Variants in NRXN1 observed in about 807,000 individuals in gnomAD.
NRXN1 encodes the protein neurexin-1.
NRXN1 carries 39 observed loss-of-function variants against 150.9 expected under a neutral mutation model. The observed-to-expected ratio is 0.26, with a 90% CI of 0.20 to 0.34. The LOEUF is 0.34. Among genes scored for constraint, NRXN1 ranks in the 10% least tolerant of loss-of-function variants. The pLI is 1.00. For missense variants in NRXN1, 1,815 were observed against 1,949.9 expected (o/e 0.93, Z 1.30); for synonymous variants, 924 against 757.0 (o/e 1.22, Z -3.62).
chr2:50,986,622 C>T (rs146175706), intron 2 of NRXN1, among the ~76,000 whole-genome samples: 262 of 151,668 alleles, frequency 1.7e-3, no homozygotes, highest in African/African-American at 5.8e-3. Flanking sequence ...TTTCTCCTTC[C>T]ACTCATATAT....
intron 18 of NRXN1, among the ~76,000 whole-genome samples, chr2:50,180,234 A>G (rs1162681793): frequency 1.3e-5 from 2 of 152,006 alleles, no homozygotes; most frequent in South Asian, 2.1e-4. Flanking sequence ...TGTGCTGCCC[A>G]GGCTGGTCTT....
chr2:50,957,255 C>T (rs1409908494), intron 2 of NRXN1, among the ~76,000 whole-genome samples: 1 of 152,150 alleles, frequency 6.6e-6, no homozygotes, highest in Non-Finnish European at 1.5e-5. Context: ...GGCGCTGACA[C>T]TTATTAGCTA....
At chr2:50,868,519 T>G (rs1335163007) in intron 5 of NRXN1, among the ~76,000 whole-genome samples, 2 of 151,614 alleles carry the variant, frequency 1.3e-5, no homozygotes, top group Non-Finnish European at 2.9e-5. Flanking sequence ...AATATATCCC[T>G]GTACCAAAAC....
chr2:50,103,606 A>T (rs189128848), intron 18 of NRXN1, among the ~76,000 whole-genome samples: 1 of 152,132 alleles, frequency 6.6e-6, no homozygotes, highest in African/African-American at 2.4e-5. Context: ...TTTGCCCTGA[A>T]ATTTGGCCAG....
intron 5 of NRXN1, among the ~76,000 whole-genome samples, chr2:50,725,937 A>C (rs1697306932): frequency 2.0e-5 from 3 of 152,192 alleles, no homozygotes; most frequent in African/African-American, 4.8e-5. Context: ...GAGAGCATGG[A>C]GTTGACTATA....
intron 5 of NRXN1, among the ~76,000 whole-genome samples, chr2:50,697,186 G>A (rs544641163): frequency 1.3e-5 from 2 of 152,226 alleles, no homozygotes; most frequent in East Asian, 1.9e-4. Flanking sequence ...TTTTGCACAC[G>A]TAATTCTGAG....
At chr2:50,608,574 T>C (rs1441871206) in intron 8 of NRXN1, among the ~76,000 whole-genome samples, 1 of 152,130 alleles carries the variant, frequency 6.6e-6, no homozygotes, top group Non-Finnish European at 1.5e-5. Flanking sequence ...TCTATGTAGC[T>C]TTATATGCAC....
At chr2:49,960,791 G>T (rs1330616070) in intron 21 of NRXN1, among the ~76,000 whole-genome samples, 3 of 152,072 alleles carry the variant, frequency 2.0e-5, no homozygotes, top group African/African-American at 7.2e-5. Context: ...GTTCTTAAAT[G>T]GTTCAGCTAA....
At chr2:50,774,262 A>G (rs1344701698) in intron 5 of NRXN1, among the ~76,000 whole-genome samples, 3 of 152,188 alleles carry the variant, frequency 2.0e-5, no homozygotes, top group Non-Finnish European at 2.9e-5. Flanking sequence ...AACAAAAACT[A>G]AACCAAACTT....
At chr2:50,876,278 G>A (rs1172777514) in intron 5 of NRXN1, among the ~76,000 whole-genome samples, 1 of 151,096 alleles carries the variant, frequency 6.6e-6, no homozygotes, top group Non-Finnish European at 1.5e-5. Flanking sequence ...TTTTTGTTTG[G>A]TTTCTTAGAA....
At chr2:50,082,717 A>G (rs1388141127) in intron 19 of NRXN1, among the ~76,000 whole-genome samples, 1 of 152,190 alleles carries the variant, frequency 6.6e-6, no homozygotes, top group African/African-American at 2.4e-5. Flanking sequence ...ATGAGTTGCT[A>G]TCCTACTTTA....
chr2:50,175,544 T>C (rs1263098895), intron 18 of NRXN1, among the ~76,000 whole-genome samples: 1 of 152,120 alleles, frequency 6.6e-6, no homozygotes, highest in Admixed American at 6.6e-5. Context: ...TTACTACTTT[T>C]AGATTTTTTG....
intron 5 of NRXN1, among the ~76,000 whole-genome samples, chr2:50,665,669 T>A: frequency 6.6e-6 from 1 of 152,018 alleles, no homozygotes; most frequent in Non-Finnish European, 1.5e-5. Context: ...TATAAAATGG[T>A]AGGTTTTGCT....
intron 5 of NRXN1, among the ~76,000 whole-genome samples, chr2:50,782,746 T>A (rs1038212455): frequency 3.9e-5 from 6 of 152,164 alleles, no homozygotes; most frequent in African/African-American, 1.4e-4. Flanking sequence ...ATGTAATCAT[T>A]ATTTCTGGGT....
chr2:50,012,864 T>A (rs944624827), intron 21 of NRXN1, among the ~76,000 whole-genome samples: 1 of 152,146 alleles, frequency 6.6e-6, no homozygotes, highest in Non-Finnish European at 1.5e-5. Context: ...AGTTAACCCA[T>A]GGAATGGAAT....
intron 18 of NRXN1, among the ~76,000 whole-genome samples, chr2:50,189,506 A>G (rs2061319491): frequency 6.6e-6 from 1 of 152,198 alleles, no homozygotes; most frequent in Non-Finnish European, 1.5e-5. Context: ...CAAGAACTTA[A>G]AGTATAATAA....
chr2:50,138,836 A>AGTTAT (rs1706813064), intron 18 of NRXN1, among the ~76,000 whole-genome samples: 1 of 152,220 alleles, frequency 6.6e-6, no homozygotes, highest in African/African-American at 2.4e-5. Flanking sequence ...TGGTCCCTTT[A>AGTTAT]GTTTGTCATA....
chr2:49,996,526 T>C (rs1356921582), intron 21 of NRXN1, among the ~76,000 whole-genome samples: 2 of 152,186 alleles, frequency 1.3e-5, no homozygotes, highest in African/African-American at 2.4e-5. Flanking sequence ...ATTAAGACTC[T>C]TGAGTTGGAG....
chr2:49,976,517 A>G (rs2152502249), intron 21 of NRXN1, among the ~76,000 whole-genome samples: 1 of 152,262 alleles, frequency 6.6e-6, no homozygotes, highest in East Asian at 1.9e-4. Context: ...AATGTTATCG[A>G]TGTTCATGTA....
Sources: allele counts gnomAD v4.1 joint callset (sites outside exome capture counted in the v4.1 genomes callset), GRCh38; gene constraint gnomAD v4.1.1; transcripts MANE v1.5; gene names NCBI Gene and HGNC (gene_info 2026-07-23, HGNC 2026-07-21).